The following STIM2 variants were observed in gnomAD, a reference collection of about 807,000 sequenced individuals.
STIM2 encodes the protein stromal interaction molecule 2.
Under a neutral mutation model 85.8 loss-of-function variants are expected in STIM2, and 31 were observed. The ratio of observed to expected loss-of-function variants is 0.36; its 90% CI spans 0.27 to 0.49. STIM2 has a LOEUF of 0.49. Among genes scored for constraint, STIM2 ranks in the 20% least tolerant of loss-of-function variants. The probability of loss-of-function intolerance (pLI) is 0.98; values close to 1 mark genes in which losing one functional copy is unlikely to be tolerated. For synonymous variants in STIM2, 356 were observed against 331.1 expected (o/e 1.08, Z -0.82); for missense variants, 841 against 927.6 (o/e 0.91, Z 1.21).
chr4:27,000,151 T>C (rs1159472955), intron 5 of STIM2, among the ~76,000 whole-genome samples: 1 of 152,100 alleles, frequency 6.6e-6, no homozygotes, highest in Non-Finnish European at 1.5e-5. Flanking sequence ...CTCCCTGAAT[T>C]CTTGGAGTTA....
intron 1 of STIM2, among the ~76,000 whole-genome samples, chr4:26,861,933 T>G (rs1479771489): frequency 6.6e-6 from 1 of 152,132 alleles, no homozygotes; most frequent in East Asian, 1.9e-4. Context: ...AAGTTTACAG[T>G]GCATTTTTTG....
intron 3 of STIM2, among the ~76,000 whole-genome samples, chr4:26,973,533 A>G (rs892117520): frequency 6.6e-6 from 1 of 152,114 alleles, no homozygotes; most frequent in Non-Finnish European, 1.5e-5. Flanking sequence ...TTCAGTTTCC[A>G]TGTAGTTGTG....
intron 3 of STIM2, among the ~76,000 whole-genome samples, chr4:26,971,635 T>C (rs1236145161): frequency 2.6e-5 from 4 of 152,258 alleles, no homozygotes; most frequent in Non-Finnish European, 4.4e-5. Flanking sequence ...CCTTCTGTTT[T>C]GGCTACTGTA....
At chr4:26,956,897 G>T (rs1726265317) in intron 2 of STIM2, among the ~76,000 whole-genome samples, 1 of 151,902 alleles carries the variant, frequency 6.6e-6, no homozygotes, top group Non-Finnish European at 1.5e-5. Context: ...TAGCCTCTTT[G>T]GGCCTTGGTT....
At chr4:26,917,235 A>T (rs1217022288) in intron 1 of STIM2, among the ~76,000 whole-genome samples, 3 of 152,158 alleles carry the variant, frequency 2.0e-5, no homozygotes, top group African/African-American at 7.2e-5. Flanking sequence ...ATCCCTTGAC[A>T]TTTCATATCT....
chr4:26,892,702 G>A (rs893230273), intron 1 of STIM2, among the ~76,000 whole-genome samples: 3 of 152,144 alleles, frequency 2.0e-5, no homozygotes, highest in African/African-American at 7.2e-5. Flanking sequence ...GGTGTCTTGT[G>A]GAAGGGAAAG....
chr4:26,876,712 T>C (rs1265422688), intron 1 of STIM2, among the ~76,000 whole-genome samples: 1 of 152,184 alleles, frequency 6.6e-6, no homozygotes, highest in Non-Finnish European at 1.5e-5. Flanking sequence ...ATGTCTTCAT[T>C]GGTTTAGTGG....
chr4:26,866,042 T>C (rs1416413015), intron 1 of STIM2, among the ~76,000 whole-genome samples: 1 of 152,170 alleles, frequency 6.6e-6, no homozygotes, highest in African/African-American at 2.4e-5. Flanking sequence ...ATTCCAACTT[T>C]TATTTTAGAT....
Position 26,861,086 on chromosome 4 carries a change from T to A in STIM2, c.-133T>A, listed in dbSNP as rs1722156302. On this transcript the variant is annotated 5_prime_UTR_variant, in exon 1 of 12. Transcript: ENST00000467087. ...AGTCGCCGGCGGCGGTGGTGGCGCC[T>A]CGCGGAGCCGGCGAGCTGCAGGCGG... is the stretch of plus-strand genomic sequence containing the variant. The A allele has an allele frequency of 1.0e-5, 12 of 1,189,484 alleles. No individual in the cohort carries two copies. In the East Asian group the frequency reaches 3.9e-4, roughly 38 times the overall value. The allele number at this position is 1,189,484 out of a possible 1,614,324, so 73.7% of individuals were successfully genotyped here.
chr4:26,915,265 C>T (rs1724492754), intron 1 of STIM2, among the ~76,000 whole-genome samples: 1 of 152,058 alleles, frequency 6.6e-6, no homozygotes, highest in Admixed American at 6.6e-5. Context: ...GACAGAGTCT[C>T]ACTCTGTTAC....
At chr4:26,946,340 G>T (rs1188518110) in intron 2 of STIM2, among the ~76,000 whole-genome samples, 1 of 152,154 alleles carries the variant, frequency 6.6e-6, no homozygotes, top group African/African-American at 2.4e-5. Flanking sequence ...GAAAATATAG[G>T]TGATTACTTA....
intron 10 of STIM2, among the ~76,000 whole-genome samples, chr4:27,016,859 A>AGTCAT (rs1728748222): frequency 6.6e-6 from 1 of 152,224 alleles, no homozygotes; most frequent in Non-Finnish European, 1.5e-5. Flanking sequence ...TGGAAGATTC[A>AGTCAT]GTCATGTCCC....
At chr4:26,970,219 ATATGTATATATATATATATATATATATG>A (rs759381878) in intron 3 of STIM2, among the ~76,000 whole-genome samples, 5,129 of 21,780 alleles carry the variant, frequency 0.24, 199 homozygotes, top group African/African-American at 0.28. Context: ...ATATATATAT[ATATGTATATATATATATATATATATATG>A]TATGTATTTT....
rs528385566 is a variant in STIM2, at chr4:26,871,921, C to T, written c.151+10552C>T. Among the ~76,000 whole-genome samples, 20 of 152,226 alleles carry T rather than the reference C, an allele frequency of 1.3e-4. No individual in the cohort carries two copies. In the South Asian group the frequency reaches 3.9e-3, roughly 30 times the overall value. ...GGATTTCCTGAGTTTGAATCCCAGT[C>T]TGACAGTGGTTTTGTAATTTTGGGT... On this transcript the variant is annotated intron_variant, in intron 1 of 11. Coordinates refer to ENST00000467087, the MANE Select transcript of STIM2 (RefSeq NM_020860.4).
intron 3 of STIM2, among the ~76,000 whole-genome samples, chr4:26,970,223 GTATA>G (rs1553851733): frequency 1.1e-3 from 15 of 13,618 alleles, no homozygotes; most frequent in African/African-American, 2.3e-3. Flanking sequence ...ATATATATAT[GTATA>G]TATATATATA....
intron 3 of STIM2, among the ~76,000 whole-genome samples, chr4:26,963,799 C>T (rs1726576760): frequency 6.6e-6 from 1 of 152,120 alleles, no homozygotes; most frequent in East Asian, 1.9e-4. Flanking sequence ...TACAAGTTAG[C>T]ACATTAAAAT....
chr4:26,940,620 TTGTC>T (rs1725575910), intron 2 of STIM2, among the ~76,000 whole-genome samples: 1 of 152,182 alleles, frequency 6.6e-6, no homozygotes, highest in Admixed American at 6.5e-5. Flanking sequence ...GTTTGCTGCT[TTGTC>T]TGCCTCTCTG....
intron 1 of STIM2, among the ~76,000 whole-genome samples, chr4:26,871,057 A>G (rs1470918519): frequency 6.6e-6 from 1 of 152,190 alleles, no homozygotes; most frequent in Non-Finnish European, 1.5e-5. Context: ...TGAGAATGCT[A>G]AATGTGGTTG....
chr4:26,865,279 A>G (rs1008847245), intron 1 of STIM2, among the ~76,000 whole-genome samples: 3 of 152,196 alleles, frequency 2.0e-5, no homozygotes, highest in African/African-American at 7.2e-5. Context: ...AAGAATTGAT[A>G]GTAATCTAAT....
Sources: allele counts gnomAD v4.1 joint callset (sites outside exome capture counted in the v4.1 genomes callset), GRCh38; gene constraint gnomAD v4.1.1; transcripts MANE v1.5; gene names NCBI Gene and HGNC (gene_info 2026-07-23, HGNC 2026-07-21).